EXOC4: variants seen among roughly 807,000 people sequenced by gnomAD.
EXOC4 encodes SEC8-like 1.
Under a neutral mutation model 107.2 loss-of-function variants are expected in EXOC4, and 71 were observed. The ratio of observed to expected loss-of-function variants is 0.66; its 90% CI spans 0.55 to 0.81. The LOEUF is 0.81. EXOC4 is among the 30% of genes least tolerant of loss of function. The pLI is 0.00. For synonymous variants in EXOC4, 456 were observed against 441.2 expected (o/e 1.03, Z -0.42); for missense variants, 1,108 against 1,189.6 (o/e 0.93, Z 1.01).
intron 17 of EXOC4, among the ~76,000 whole-genome samples, chr7:134,021,722 G>GA (rs60762484): frequency 0.042 from 2,245 of 53,676 alleles, 47 homozygotes; most frequent in Middle Eastern, 0.054. Context: ...AGTCAAACCA[G>GA]AAAAAAAAAA....
At chr7:133,934,074 A>C (rs1316905006) in intron 13 of EXOC4, among the ~76,000 whole-genome samples, 1 of 152,222 alleles carries the variant, frequency 6.6e-6, no homozygotes, top group Admixed American at 6.5e-5. Flanking sequence ...TCATAATGAA[A>C]AATAAGCTAC....
intron 10 of EXOC4, among the ~76,000 whole-genome samples, chr7:133,807,211 G>T (rs1797099079): frequency 6.6e-6 from 1 of 152,116 alleles, no homozygotes; most frequent in Non-Finnish European, 1.5e-5. Context: ...AATAAGAACT[G>T]TCAGCTGTTA....
At position 134,064,636 on chromosome 7, in the gene EXOC4, T is replaced by C. The variant is rs925913867; in HGVS notation, c.*108T>C. 1.4e-5 allele frequency: 10 copies of C among 721,332 alleles called. No individual in the cohort carries two copies. The African/African-American group carries it at 1.4e-4, about 10-fold the overall frequency. 44.7% of individuals were successfully genotyped at this position (721,332 alleles called of 1,614,324 possible). ...CTTAGTTTTCTCTACAGTGATACTT[T>C]AGTGGAGAGGAGGTGTAAGGATTCT... On this transcript the variant is annotated 3_prime_UTR_variant, in exon 18 of 18. Coordinates refer to ENST00000253861, the MANE Select transcript of EXOC4 (RefSeq NM_021807.4).
chr7:133,701,222 C>G (rs1794648667), intron 10 of EXOC4, among the ~76,000 whole-genome samples: 1 of 151,806 alleles, frequency 6.6e-6, no homozygotes, highest in African/African-American at 2.4e-5. Flanking sequence ...ATCCAAATAG[C>G]TCTTACATGC....
At chr7:133,270,578 TTG>T (rs1793844176) in intron 1 of EXOC4, among the ~76,000 whole-genome samples, 1 of 152,194 alleles carries the variant, frequency 6.6e-6, no homozygotes, top group South Asian at 2.1e-4. Context: ...AGACATTTTT[TTG>T]TGTTACAGAA....
intron 13 of EXOC4, among the ~76,000 whole-genome samples, chr7:133,933,646 G>C (rs949193883): frequency 6.6e-6 from 1 of 152,184 alleles, no homozygotes; most frequent in African/African-American, 2.4e-5. Context: ...CTGTCCAGTT[G>C]CCAGGCAGCA....
At chr7:133,637,424 C>A (rs780941969) in intron 10 of EXOC4, among the ~76,000 whole-genome samples, 1 of 152,098 alleles carries the variant, frequency 6.6e-6, no homozygotes, top group African/African-American at 2.4e-5. Context: ...GAATATTATT[C>A]TCAGTGTTCA....
At chr7:133,376,044 A>G (rs1796483160) in intron 7 of EXOC4, among the ~76,000 whole-genome samples, 1 of 152,216 alleles carries the variant, frequency 6.6e-6, no homozygotes, top group African/African-American at 2.4e-5. Flanking sequence ...TAGGAATGAA[A>G]TTACTTGCAT....
intron 10 of EXOC4, among the ~76,000 whole-genome samples, chr7:133,666,929 T>G (rs1793830197): frequency 6.6e-6 from 1 of 152,206 alleles, no homozygotes; most frequent in African/African-American, 2.4e-5. Context: ...TACAGATTCT[T>G]ACATGCATAT....
At chr7:133,998,548 C>T (rs1794449953) in intron 15 of EXOC4, among the ~76,000 whole-genome samples, 1 of 152,072 alleles carries the variant, frequency 6.6e-6, no homozygotes, top group Admixed American at 6.6e-5. Context: ...AGAGAGGAGG[C>T]TGATATGCTT....
intron 7 of EXOC4, among the ~76,000 whole-genome samples, chr7:133,453,088 TTA>T (rs1798384069): frequency 6.6e-6 from 1 of 152,220 alleles, no homozygotes; most frequent in South Asian, 2.1e-4. Context: ...TTAAAAGAGC[TTA>T]ACATAAATCA....
Position 133,465,379 on chromosome 7 carries a change from A to G in EXOC4, c.1183-9949A>G, listed in dbSNP as rs1798702601. Among the ~76,000 whole-genome samples the G allele has an allele frequency of 2.0e-5, 3 of 152,342 alleles. No individual in the cohort carries two copies. In the South Asian group the frequency reaches 6.2e-4, roughly 32 times the overall value. On this transcript the variant is annotated intron_variant, in intron 7 of 17. Coordinates refer to ENST00000253861, the MANE Select transcript of EXOC4 (RefSeq NM_021807.4). ...AGAAATAACAAACTATCAGAATACC[A>G]TGAGATCCAAAATACATGGAGGAAA...
intron 11 of EXOC4, among the ~76,000 whole-genome samples, chr7:133,886,057 G>T (rs1289818242): frequency 6.6e-6 from 1 of 152,006 alleles, no homozygotes; most frequent in African/African-American, 2.4e-5. Flanking sequence ...ATGTCATTGG[G>T]CCTCGTTAGT....
At chr7:133,585,198 A>G (rs756500629) in intron 9 of EXOC4, among the ~76,000 whole-genome samples, 3 of 152,206 alleles carry the variant, frequency 2.0e-5, no homozygotes, top group Non-Finnish European at 4.4e-5. Flanking sequence ...TCGAAGAGGA[A>G]GCAGTGTGGT....
At chr7:133,787,335 T>G (rs1276247756) in intron 10 of EXOC4, among the ~76,000 whole-genome samples, 3 of 113,824 alleles carry the variant, frequency 2.6e-5, no homozygotes, top group Non-Finnish European at 3.6e-5. Context: ...ATAGGCTAAT[T>G]TGTGTGTGTG....
At chr7:133,558,191 CT>C (rs1800732885) in intron 9 of EXOC4, among the ~76,000 whole-genome samples, 2 of 72,540 alleles carry the variant, frequency 2.8e-5, no homozygotes, top group South Asian at 1.1e-3. Context: ...GGTTCCTTCT[CT>C]TTTCTTTTCT....
At chr7:133,907,132 T>A (rs913494658) in intron 12 of EXOC4, among the ~76,000 whole-genome samples, 3 of 152,208 alleles carry the variant, frequency 2.0e-5, no homozygotes, top group Non-Finnish European at 4.4e-5. Flanking sequence ...ATCTGTCTCT[T>A]GAAGCTATGT....
rs1206467959 is a variant in EXOC4, at chr7:133,971,334, GTATA to G, written c.2207-26133_2207-26130del. Among the ~76,000 whole-genome samples, 240 of 41,764 alleles carry G rather than the reference GTATA, an allele frequency of 5.7e-3. 1 individual carries two copies. The highest frequency in any genetic ancestry group is 0.036 in the Middle Eastern group (2 of 56). The allele number at this position is 41,764 out of a possible 152,430, so 27.4% of individuals were successfully genotyped here. A position where few individuals can be genotyped will look rare whatever the true frequency, so the allele number is the denominator to read the frequency against. On this transcript the variant is annotated intron_variant, in intron 14 of 17. Transcript: ENST00000253861. ...CTTATAAGAAATGTGGGGAAAATGT[GTATA>G]TATATATATATATATATATATATAG...
intron 10 of EXOC4, among the ~76,000 whole-genome samples, chr7:133,747,084 T>C (rs1795692906): frequency 6.6e-6 from 1 of 152,154 alleles, no homozygotes; most frequent in African/African-American, 2.4e-5. Context: ...GAAGCAGCAC[T>C]TAGAAAAACA....
Sources: allele counts gnomAD v4.1 joint callset (sites outside exome capture counted in the v4.1 genomes callset), GRCh38; gene constraint gnomAD v4.1.1; transcripts MANE v1.5; gene names NCBI Gene and HGNC (gene_info 2026-07-23, HGNC 2026-07-21).